TNS3: variants seen among roughly 807,000 people sequenced by gnomAD.
TNS3 encodes the protein tensin 3.
TNS3 carries 45 observed loss-of-function variants against 140.9 expected under a neutral mutation model. That is an observed-to-expected ratio of 0.32 (90% CI 0.25 to 0.41). The LOEUF (loss-of-function observed/expected upper bound fraction) is 0.41, where lower values mean the gene tolerates loss of function less well. TNS3 is among the 10% of genes least tolerant of loss of function. TNS3 has a pLI of 1.00. For missense variants in TNS3, 1,716 were observed against 1,906.7 expected, an observed-to-expected ratio of 0.90 and a Z score of 1.86; for synonymous variants, 815 against 788.4, an observed-to-expected ratio of 1.03 and a Z score of -0.56.
At chr7:47,425,039 C>T (rs1794575163) in intron 9 of TNS3, among the ~76,000 whole-genome samples, 1 of 152,212 alleles carries the variant, frequency 6.6e-6, no homozygotes, top group South Asian at 2.1e-4. Context: ...CCCTGATAGG[C>T]TGGGTGCGGT....
intron 10 of TNS3, among the ~76,000 whole-genome samples, chr7:47,422,508 G>A: frequency 6.6e-6 from 1 of 152,120 alleles, no homozygotes; most frequent in Non-Finnish European, 1.5e-5. Context: ...AGCTACTCAA[G>A]AGGCTGAGGT....
chr7:47,330,881 G>GC (rs1301463924), intron 20 of TNS3, among the ~76,000 whole-genome samples: 1 of 152,100 alleles, frequency 6.6e-6, no homozygotes, highest in Non-Finnish European at 1.5e-5. Context: ...CCTCCCACCA[G>GC]CCCGCACTGC....
At chr7:47,509,490 C>T (rs1178246176) in intron 2 of TNS3, among the ~76,000 whole-genome samples, 1 of 152,142 alleles carries the variant, frequency 6.6e-6, no homozygotes, top group African/African-American at 2.4e-5. Context: ...ACTTGCTCCT[C>T]GTAAGCACCT....
At chr7:47,327,116 C>A (rs954457081) in intron 20 of TNS3, among the ~76,000 whole-genome samples, 4 of 152,364 alleles carry the variant, frequency 2.6e-5, no homozygotes, top group Non-Finnish European at 4.4e-5. Flanking sequence ...CGTGCTACCC[C>A]CAGTGCCTGG....
At chr7:47,560,808 C>A (rs141002415) in intron 1 of TNS3, among the ~76,000 whole-genome samples, 1 of 152,182 alleles carries the variant, frequency 6.6e-6, no homozygotes, top group Non-Finnish European at 1.5e-5. Flanking sequence ...GCCTCCAAGT[C>A]CTCAGTGAGG....
At chr7:47,439,919 G>A (rs117079916) in intron 5 of TNS3, among the ~76,000 whole-genome samples, 241 of 152,278 alleles carry the variant, frequency 1.6e-3, no homozygotes, top group Admixed American at 3.4e-3. Flanking sequence ...GGAACGCACA[G>A]AGAGAAAGCA....
intron 20 of TNS3, among the ~76,000 whole-genome samples, chr7:47,339,717 C>CA (rs1463745819): frequency 1.3e-5 from 2 of 151,938 alleles, no homozygotes; most frequent in Non-Finnish European, 2.9e-5. Flanking sequence ...TCTATATCTA[C>CA]AAAAAAATCT....
intron 10 of TNS3, among the ~76,000 whole-genome samples, chr7:47,420,352 GTTTCC>G (rs1794310368): frequency 6.6e-6 from 1 of 152,128 alleles, no homozygotes; most frequent in South Asian, 2.1e-4. Context: ...GGAGGAGGCC[GTTTCC>G]TGATGGTCCA....
chr7:47,340,819 A>G (rs1478135177), intron 20 of TNS3, among the ~76,000 whole-genome samples: 4 of 152,024 alleles, frequency 2.6e-5, no homozygotes, highest in African/African-American at 9.7e-5. Context: ...CTTTTCTTGT[A>G]TTATGTCTCT....
At chr7:47,472,773 C>T (rs568151706) in intron 4 of TNS3, among the ~76,000 whole-genome samples, 1 of 152,264 alleles carries the variant, frequency 6.6e-6, no homozygotes, top group African/African-American at 2.4e-5. Context: ...GCACTTGCTC[C>T]AAAGCAACAG....
At chr7:47,460,811 A>T (rs1796460817) in intron 4 of TNS3, among the ~76,000 whole-genome samples, 1 of 152,228 alleles carries the variant, frequency 6.6e-6, no homozygotes, top group South Asian at 2.1e-4. Flanking sequence ...GCATGCCAAA[A>T]TATTGAAGGA....
At chr7:47,405,755 C>G (rs1477342488) in intron 13 of TNS3, among the ~76,000 whole-genome samples, 1 of 152,164 alleles carries the variant, frequency 6.6e-6, no homozygotes, top group African/African-American at 2.4e-5. Context: ...CAGGAGAACA[C>G]TTTCATTTTC....
intron 3 of TNS3, among the ~76,000 whole-genome samples, chr7:47,504,541 T>A (rs1312622978): frequency 6.6e-6 from 1 of 152,226 alleles, no homozygotes; most frequent in South Asian, 2.1e-4. Flanking sequence ...CCAAAGCCTA[T>A]GAGCTGAACC....
rs190725817 is a variant in TNS3, at chr7:47,460,192, G to A, written c.-75-18137C>T. ...CGCACCACTGCACTCCAGCCCGGGC[G>A]ACAGAGCAAGACTCTGTCCCAAAAA... On this transcript the variant is annotated intron_variant, in intron 4 of 30. Transcript: ENST00000311160. 4.0e-4 allele frequency among the ~76,000 whole-genome samples: 57 copies of A among 141,590 alleles called. 1 individual carries two copies. In the East Asian group the frequency reaches 8.4e-3, roughly 21 times the overall value. 92.9% of individuals were successfully genotyped at this position (141,590 alleles called of 152,430 possible).
chr7:47,457,813 C>T (rs1351750712), intron 4 of TNS3, among the ~76,000 whole-genome samples: 1 of 152,166 alleles, frequency 6.6e-6, no homozygotes, highest in Non-Finnish European at 1.5e-5. Flanking sequence ...CTAGCTCTGC[C>T]CTACAGACAG....
At chr7:47,358,587 C>T (rs1419068394) in intron 17 of TNS3, among the ~76,000 whole-genome samples, 1 of 152,192 alleles carries the variant, frequency 6.6e-6, no homozygotes, top group Non-Finnish European at 1.5e-5. Flanking sequence ...AGCGACGCAG[C>T]CGGTGACTTC....
At chr7:47,532,003 C>A (rs897728303) in intron 1 of TNS3, among the ~76,000 whole-genome samples, 1 of 152,192 alleles carries the variant, frequency 6.6e-6, no homozygotes, top group East Asian at 1.9e-4. Flanking sequence ...CAGCTGCAGC[C>A]ACCCTCCCAG....
At chr7:47,487,485 G>C (rs1051849685) in intron 3 of TNS3, among the ~76,000 whole-genome samples, 2 of 152,096 alleles carry the variant, frequency 1.3e-5, no homozygotes, top group African/African-American at 2.4e-5. Context: ...GGCAAACCTT[G>C]TTCATGTCAG....
At chr7:47,389,002 GGAAGAAGAAGAAGAAGAAGAAGAA>G (rs1175410885) in intron 16 of TNS3, among the ~76,000 whole-genome samples, 1 of 6,660 alleles carries the variant, frequency 1.5e-4, no homozygotes, top group African/African-American at 2.0e-4. Flanking sequence ...AGAAGAAGAA[GGAAGAAGAAGAAGAAGAAGAAGAA>G]GAAGAAGAAG....
Sources: allele counts gnomAD v4.1 joint callset (sites outside exome capture counted in the v4.1 genomes callset), GRCh38; gene constraint gnomAD v4.1.1; transcripts MANE v1.5; gene names NCBI Gene and HGNC (gene_info 2026-07-23, HGNC 2026-07-21).